Variants in DPPA2 observed in about 807,000 individuals in gnomAD.
DPPA2 encodes the protein developmental pluripotency-associated protein 2.
Under a neutral mutation model 36.2 loss-of-function variants are expected in DPPA2, and 26 were observed. The ratio of observed to expected loss-of-function variants is 0.72; its 90% CI spans 0.53 to 1.00. The LOEUF (loss-of-function observed/expected upper bound fraction) is 1.00, where lower values mean the gene tolerates loss of function less well. DPPA2 is among the 50% of genes least tolerant of loss of function. The pLI, the probability that DPPA2 is intolerant of heterozygous loss-of-function variation, is 0.00. For synonymous variants in DPPA2, 113 were observed against 123.2 expected (o/e 0.92, Z 0.55); for missense variants, 361 against 365.1 (o/e 0.99, Z 0.09).
At chr3:109,295,514 G>A (rs1707338064) in intron 8 of DPPA2, 1 of 151,556 alleles carries the variant, frequency 6.6e-6, no homozygotes, top group Non-Finnish European at 1.5e-5. Context: ...TCAAAGTGCT[G>A]GGATTACAGA....
intron 3 of DPPA2, among the ~76,000 whole-genome samples, chr3:109,310,351 C>T (rs1330710187): frequency 3.9e-5 from 5 of 128,404 alleles, no homozygotes; most frequent in African/African-American, 8.9e-5. Flanking sequence ...GAGGCGGCAG[C>T]GAGCTGAGAT....
intron 8 of DPPA2, among the ~76,000 whole-genome samples, chr3:109,296,131 G>A (rs1707346849): frequency 6.6e-6 from 1 of 152,128 alleles, no homozygotes; most frequent in Admixed American, 6.6e-5. Flanking sequence ...AGCAATGACT[G>A]AAAATATCCC....
At chr3:109,310,717 G>A (rs1449238322) in intron 3 of DPPA2, among the ~76,000 whole-genome samples, 2 of 151,746 alleles carry the variant, frequency 1.3e-5, no homozygotes, top group Non-Finnish European at 2.9e-5. Flanking sequence ...TGTTGGCCAG[G>A]CTGGTCTCGA....
chr3:109,310,407 C>CAAA (rs147915128), intron 3 of DPPA2, among the ~76,000 whole-genome samples: 12 of 63,442 alleles, frequency 1.9e-4, no homozygotes, highest in African/African-American at 4.9e-4. Context: ...GACTCTGTCT[C>CAAA]AAAAAAAAAA....
intron 3 of DPPA2, 90 bp downstream of exon 3, chr3:109,312,455 T>C (rs1051421155): frequency 6.2e-6 from 9 of 1,460,850 alleles, no homozygotes; most frequent in South Asian, 4.3e-5. Flanking sequence ...GGGTGTTGTA[T>C]AGTCAGAGGA....
intron 7 of DPPA2, 138 bp downstream of exon 7, chr3:109,304,337 C>T (rs1707509665): frequency 1.2e-6 from 1 of 802,380 alleles, no homozygotes; most frequent in Admixed American, 3.4e-5. Flanking sequence ...CTTCTTGCAT[C>T]CTATTTTTGC....
At chr3:109,307,702 C>T (rs1707604480) in intron 6 of DPPA2, among the ~76,000 whole-genome samples, 1 of 150,788 alleles carries the variant, frequency 6.6e-6, no homozygotes, top group Non-Finnish European at 1.5e-5. Context: ...AGAATTTGAA[C>T]CAACACATTC....
intron 8 of DPPA2, among the ~76,000 whole-genome samples, chr3:109,294,635 A>G (rs1431746472): frequency 6.6e-6 from 1 of 152,224 alleles, no homozygotes; most frequent in Non-Finnish European, 1.5e-5. Context: ...GGACCATAAC[A>G]TCTTCCTTAA....
In DPPA2 at chr3:109,316,455, G is replaced by T. The variant is rs75170702; in HGVS notation, c.-185C>A. On this transcript the variant is annotated 5_prime_UTR_variant, in exon 1 of 9. Transcript: ENST00000478945. Reference sequence around the variant, plus strand: ...CCTGCACCGCCACGCCCAGCCCTCCGGACGATTCTTAAGCTCCTGAAGTCT... The same window carrying T: ...CCTGCACCGCCACGCCCAGCCCTCCTGACGATTCTTAAGCTCCTGAAGTCT... 296 of 152,476 alleles carry T rather than the reference G, an allele frequency of 1.9e-3. 5 individuals are homozygous for T. The East Asian group carries it at 0.029, about 15-fold the overall frequency. 9.4% of individuals were successfully genotyped at this position (152,476 alleles called of 1,614,324 possible). A position where few individuals can be genotyped will look rare whatever the true frequency, so the allele number is the denominator to read the frequency against.
chr3:109,304,042 C>G lies in DPPA2; in HGVS notation c.854+433G>C, dbSNP rs1404347537. On this transcript the variant is annotated intron_variant, in intron 7 of 8. Transcript: ENST00000478945. ...ATCCCAGCACTTTGGGAGGCCGAGG[C>G]GGGCGGATCATGAGGTCAGGAGTTT... 2.0e-5 allele frequency among the ~76,000 whole-genome samples: 3 copies of G among 151,964 alleles called. No homozygotes were observed. The East Asian group carries it at 5.9e-4, about 30-fold the overall frequency.
chr3:109,307,384 C>G (rs1707591449), intron 6 of DPPA2, among the ~76,000 whole-genome samples: 1 of 151,906 alleles, frequency 6.6e-6, no homozygotes, highest in African/African-American at 2.4e-5. Flanking sequence ...GGTGGATGGT[C>G]TGAGGTCAGG....
At chr3:109,309,125 C>G in intron 4 of DPPA2, 45 bp downstream of exon 4, 1 of 1,614,072 alleles carries the variant, frequency 6.2e-7, no homozygotes, top group Non-Finnish European at 8.5e-7. Flanking sequence ...GACAAAGACT[C>G]CCATAATTAT....
At chr3:109,309,891 G>T (rs142111120) in intron 3 of DPPA2, among the ~76,000 whole-genome samples, 1 of 151,630 alleles carries the variant, frequency 6.6e-6, no homozygotes, top group African/African-American at 2.4e-5. Context: ...AGACCAGCCC[G>T]GCCAACATGG....
chr3:109,307,441 A>C (rs1707597247), intron 6 of DPPA2, among the ~76,000 whole-genome samples: 1 of 151,124 alleles, frequency 6.6e-6, no homozygotes, highest in Non-Finnish European at 1.5e-5. Context: ...CTCTCTACTA[A>C]AAATACAAAA....
At position 109,310,761 on chromosome 3, in the gene DPPA2, C is replaced by T. The variant is rs181442358; in HGVS notation, c.182-1431G>A. Among the ~76,000 whole-genome samples, 1,506 of 151,974 alleles carry T rather than the reference C, an allele frequency of 9.9e-3. 9 individuals are homozygous for T. The highest frequency in any genetic ancestry group is 0.017 in the Non-Finnish European group (1,181 of 67,970). On this transcript the variant is annotated intron_variant, in intron 3 of 8. Coordinates refer to ENST00000478945, the MANE Select transcript of DPPA2 (RefSeq NM_138815.4). ...CCTTGTGATCTGCCCTCCTTGGCCG[C>T]CCAAAGTGCTGGGATTACAGGCATG...
chr3:109,315,276 G>C (rs78721314), intron 1 of DPPA2, among the ~76,000 whole-genome samples: 1 of 152,144 alleles, frequency 6.6e-6, no homozygotes, highest in South Asian at 2.1e-4. Flanking sequence ...ATGCACGGGG[G>C]TATGTTACTC....
chr3:109,305,529 C>T (rs1707542335), intron 6 of DPPA2, among the ~76,000 whole-genome samples: 1 of 151,860 alleles, frequency 6.6e-6, no homozygotes, highest in Non-Finnish European at 1.5e-5. Context: ...AATCCCAGCA[C>T]TTTGGGAGGC....
intron 5 of DPPA2, 133 bp from the exon 6 acceptor site, chr3:109,308,426 G>C: frequency 1.6e-6 from 2 of 1,234,324 alleles, no homozygotes; most frequent in Non-Finnish European, 2.2e-6. Flanking sequence ...GCAATGGCAC[G>C]ATCTCGGCTC....
intron 8 of DPPA2, among the ~76,000 whole-genome samples, chr3:109,299,434 C>T (rs899208419): frequency 7.9e-5 from 12 of 151,324 alleles, no homozygotes; most frequent in African/African-American, 2.4e-4. Flanking sequence ...TGCTTGAACC[C>T]GGGAGGTGGG....
Sources: gnomAD v4.1 joint callset for allele counts (sites outside exome capture counted in the v4.1 genomes callset) on GRCh38, gnomAD v4.1.1 for gene constraint, MANE v1.5 for transcripts, NCBI Gene and HGNC (gene_info 2026-07-23, HGNC 2026-07-21) for gene names.